Variants in OPCML observed in about 807,000 individuals in gnomAD.
OPCML encodes opioid-binding protein/cell adhesion molecule.
OPCML carries 13 observed loss-of-function variants against 37.8 expected under a neutral mutation model. The observed-to-expected ratio is 0.34, with a 90% confidence interval of 0.22 to 0.55. OPCML has a LOEUF of 0.55. Among genes scored for constraint, OPCML ranks in the 20% least tolerant of loss-of-function variants. OPCML has a pLI of 0.91. For missense variants in OPCML, 341 were observed against 435.6 expected (o/e 0.78, Z 1.93); for synonymous variants, 176 against 168.8 (o/e 1.04, Z -0.33).
At position 132,863,170 on chromosome 11, in the gene OPCML, G is replaced by A. The variant is rs369561949; in HGVS notation, c.146+79756C>T. On this transcript the variant is annotated intron_variant, in intron 2 of 7. Transcript: ENST00000524381. The stretch of plus-strand genomic sequence containing the variant: ...GACCCTTCCTGCCTGTAGCTACATT[G>A]CATGGGGCGTGGCTCGGCCGAGGAT... Among the ~76,000 whole-genome samples, 15 of 152,254 alleles carry A rather than the reference G, an allele frequency of 9.9e-5. 1 individual carries two copies. The South Asian group carries it at 3.1e-3, about 32-fold the overall frequency.
chr11:133,185,735 T>C (rs1471278749), intron 1 of OPCML, among the ~76,000 whole-genome samples: 3 of 152,196 alleles, frequency 2.0e-5, no homozygotes, highest in Non-Finnish European at 2.9e-5. Context: ...ATCTGGTGCC[T>C]TTCTTTGGTG....
At chr11:133,530,509 G>C (rs923153567) in intron 1 of OPCML, among the ~76,000 whole-genome samples, 1 of 152,310 alleles carries the variant, frequency 6.6e-6, no homozygotes, top group Admixed American at 6.5e-5. Context: ...ACTTGCCTAC[G>C]CAGGAAAGTT....
intron 1 of OPCML, among the ~76,000 whole-genome samples, chr11:133,457,121 C>A (rs975669391): frequency 6.6e-6 from 1 of 152,144 alleles, no homozygotes; most frequent in East Asian, 1.9e-4. Context: ...AGGAAAGTGA[C>A]GTGTCATGTA....
At chr11:133,429,790 G>A (rs1591490022) in intron 1 of OPCML, among the ~76,000 whole-genome samples, 1 of 152,286 alleles carries the variant, frequency 6.6e-6, no homozygotes, top group East Asian at 1.9e-4. Flanking sequence ...GGAAAGATCA[G>A]GAATTTAATT....
At chr11:133,207,620 T>A (rs1397706371) in intron 1 of OPCML, among the ~76,000 whole-genome samples, 1 of 152,340 alleles carries the variant, frequency 6.6e-6, no homozygotes, top group Non-Finnish European at 1.5e-5. Context: ...ACTTCTGAGA[T>A]TCCTCAAATT....
intron 1 of OPCML, among the ~76,000 whole-genome samples, chr11:133,035,301 G>A (rs1398652445): frequency 6.6e-6 from 1 of 152,128 alleles, no homozygotes; most frequent in Non-Finnish European, 1.5e-5. Context: ...AAGTAATATT[G>A]CAGGTGCATG....
intron 3 of OPCML, among the ~76,000 whole-genome samples, chr11:132,652,045 G>A (rs1941454271): frequency 6.6e-6 from 1 of 152,082 alleles, no homozygotes; most frequent in African/African-American, 2.4e-5. Context: ...GGCACACATA[G>A]ATCTCTGCAT....
At chr11:132,634,025 C>A (rs1355951057) in intron 3 of OPCML, among the ~76,000 whole-genome samples, 1 of 152,062 alleles carries the variant, frequency 6.6e-6, no homozygotes, top group African/African-American at 2.4e-5. Flanking sequence ...CAGTTGCAGG[C>A]AAGCATACAG....
chr11:133,221,236 A>C (rs1939810315), intron 1 of OPCML, among the ~76,000 whole-genome samples: 1 of 152,094 alleles, frequency 6.6e-6, no homozygotes, highest in African/African-American at 2.4e-5. Flanking sequence ...GTGATTGCTC[A>C]CTTGAGGATA....
chr11:133,082,550 GCCCATCC>G, intron 1 of OPCML, among the ~76,000 whole-genome samples: 2 of 136,294 alleles, frequency 1.5e-5, no homozygotes, highest in African/African-American at 5.6e-5. Context: ...CCTCCCCCTC[GCCCATCC>G]CCCTTCCCCT....
At chr11:132,768,364 T>C (rs1234427652) in intron 2 of OPCML, among the ~76,000 whole-genome samples, 3 of 152,178 alleles carry the variant, frequency 2.0e-5, no homozygotes, top group Non-Finnish European at 4.4e-5. Flanking sequence ...TGATATGCAG[T>C]AGGACATGGA....
chr11:133,320,785 T>G (rs1475425075), intron 1 of OPCML, among the ~76,000 whole-genome samples: 1 of 152,238 alleles, frequency 6.6e-6, no homozygotes, highest in African/African-American at 2.4e-5. Context: ...CCTGGGTCTG[T>G]GCTGTCTCTC....
intron 1 of OPCML, among the ~76,000 whole-genome samples, chr11:133,322,326 G>C (rs1003643695): frequency 1.3e-4 from 20 of 152,302 alleles, no homozygotes; most frequent in Middle Eastern, 3.4e-3. Context: ...ATCATGGTTG[G>C]ATTATACAGA....
At chr11:132,754,766 G>T (rs1945977314) in intron 2 of OPCML, among the ~76,000 whole-genome samples, 1 of 152,164 alleles carries the variant, frequency 6.6e-6, no homozygotes, top group Non-Finnish European at 1.5e-5. Context: ...GTCAGTGGCT[G>T]TCAGAGTGAT....
chr11:133,531,545 G>A (rs1321424846), intron 1 of OPCML, among the ~76,000 whole-genome samples: 1 of 152,132 alleles, frequency 6.6e-6, no homozygotes, highest in African/African-American at 2.4e-5. Flanking sequence ...GAATTTCAAG[G>A]GCATAATCTG....
At chr11:133,468,795 C>CTACA (rs952678964) in intron 1 of OPCML, among the ~76,000 whole-genome samples, 1 of 152,192 alleles carries the variant, frequency 6.6e-6, no homozygotes, top group African/African-American at 2.4e-5. Context: ...GTGAAATCAT[C>CTACA]TACAGCCTCT....
intron 2 of OPCML, among the ~76,000 whole-genome samples, chr11:132,925,931 T>C (rs1944975710): frequency 6.6e-6 from 1 of 152,156 alleles, no homozygotes; most frequent in African/African-American, 2.4e-5. Flanking sequence ...TCTGGCCCAG[T>C]CTCTCCTTTC....
rs145731508 is a variant in OPCML, at chr11:132,976,760, G to A, written c.62-33750C>T. The stretch of plus-strand genomic sequence containing the variant: ...AAGCCCTAGTTCAGCTACTCTTCTC[G>A]GTTTGTTTTTCATTTATTTATTAAA... On this transcript the variant is annotated intron_variant, in intron 1 of 7. Coordinates refer to ENST00000524381, the MANE Select transcript of OPCML (RefSeq NM_001012393.5). 3.2e-3 allele frequency among the ~76,000 whole-genome samples: 479 copies of A among 151,886 alleles called. 1 individual carries two copies. The highest frequency in any genetic ancestry group is 5.8e-3 in the Non-Finnish European group (393 of 67,952).
At chr11:132,680,726 C>T (rs1056490709) in intron 2 of OPCML, among the ~76,000 whole-genome samples, 8 of 152,294 alleles carry the variant, frequency 5.3e-5, no homozygotes, top group South Asian at 2.1e-4. Flanking sequence ...TCTTTATATT[C>T]GAGCAGAGAA....
Sources: allele counts gnomAD v4.1 joint callset (sites outside exome capture counted in the v4.1 genomes callset), GRCh38; gene constraint gnomAD v4.1.1; transcripts MANE v1.5; gene names NCBI Gene and HGNC (gene_info 2026-07-23, HGNC 2026-07-21).